ABCD3: variants seen among roughly 807,000 people sequenced by gnomAD.
The protein encoded by ABCD3 is ATP-binding cassette sub-family D member 3.
Under a neutral mutation model 105.5 loss-of-function variants are expected in ABCD3, and 41 were observed. The observed-to-expected ratio is 0.39, with a 90% CI of 0.30 to 0.50. The LOEUF (loss-of-function observed/expected upper bound fraction) is 0.50, where lower values mean the gene tolerates loss of function less well. Among genes scored for constraint, ABCD3 ranks in the 20% least tolerant of loss-of-function variants. The pLI, the probability that ABCD3 is intolerant of heterozygous loss-of-function variation, is 0.84. For synonymous variants in ABCD3, 258 were observed against 269.0 expected, an observed-to-expected ratio of 0.96 and a Z score of 0.40; for missense variants, 622 against 806.3, an observed-to-expected ratio of 0.77 and a Z score of 2.77.
At chr1:94,487,830 A>G (rs374282015) in intron 12 of ABCD3, 39 bp downstream of exon 12, 1 of 1,611,114 alleles carries the variant, frequency 6.2e-7, no homozygotes, top group Non-Finnish European at 8.5e-7. Context: ...TAACAGTAAA[A>G]ATAAAGCCAA....
rs1190514974 is a variant in ABCD3 at position 94,499,528 on chromosome 1, G to T, written c.1654G>T (p.Gly552Cys). 4 of 1,613,522 alleles carry T rather than the reference G, an allele frequency of 2.5e-6. No homozygotes were observed. In the East Asian group the frequency reaches 6.7e-5, roughly 27 times the overall value. ...GGAATACTTAGACAATGTCCAGTTG[G>T]GTCATATCCTTGAACGTGAAGGAGG... ...LKEYLDNVQL[G>C]HILEREGGWD... Residue 552 changes from glycine to cysteine, a missense_variant, in exon 20 of 23, where the codon GGT becomes TGT. Gly to Cys is a radical substitution (Grantham distance 159). This residue lies in a region of ABCD3 where 285 missense variants were observed against 352.5 expected (regional missense o/e 0.81). Coordinates refer to ENST00000370214, the MANE Select transcript of ABCD3 (RefSeq NM_002858.4).
upstream of ABCD3, among the ~76,000 whole-genome samples, chr1:94,414,763 C>T (rs963746600): frequency 1.1e-4 from 17 of 152,202 alleles, no homozygotes; most frequent in African/African-American, 3.9e-4. Flanking sequence ...TGCATCTTTG[C>T]TCCTGTTGTA....
intron 1 of ABCD3, among the ~76,000 whole-genome samples, chr1:94,451,991 ACT>A (rs1647283381): frequency 6.6e-6 from 1 of 151,556 alleles, no homozygotes; most frequent in South Asian, 2.1e-4. Context: ...TCTTTCTTCC[ACT>A]CTCATACCCA....
chr1:94,431,085 T>G (rs1020602086), intron 1 of ABCD3, among the ~76,000 whole-genome samples: 6 of 152,240 alleles, frequency 3.9e-5, no homozygotes, highest in African/African-American at 1.4e-4. Flanking sequence ...TGCATTTCCT[T>G]TTTACTATGC....
At chr1:94,499,724 A>G in intron 20 of ABCD3, 110 bp downstream of exon 20, 1 of 1,354,970 alleles carries the variant, frequency 7.4e-7, no homozygotes, top group Non-Finnish European at 1.0e-6. Context: ...CTGTTTCAGT[A>G]TGGATTAGTT....
intron 21 of ABCD3, among the ~76,000 whole-genome samples, chr1:94,511,661 T>C (rs1010495554): frequency 2.6e-5 from 4 of 152,244 alleles, no homozygotes; most frequent in African/African-American, 9.6e-5. Flanking sequence ...TTTCACATAG[T>C]CCCATATTTC....
chr1:94,446,538 G>A (rs1266794399), intron 1 of ABCD3, among the ~76,000 whole-genome samples: 2 of 152,222 alleles, frequency 1.3e-5, no homozygotes, highest in Admixed American at 1.3e-4. Context: ...GCTCCTGATT[G>A]TGCCGTATGT....
intron 1 of ABCD3, among the ~76,000 whole-genome samples, chr1:94,436,162 AGTT>A (rs1659894184): frequency 6.6e-6 from 1 of 152,224 alleles, no homozygotes. Context: ...CTAGGTTGGC[AGTT>A]GTTTCTAGGC....
Position 94,442,460 on chromosome 1 carries a change from A to G in ABCD3, c.111-16147A>G, listed in dbSNP as rs550047687. Among the ~76,000 whole-genome samples, 11 of 152,344 alleles carry G rather than the reference A, an allele frequency of 7.2e-5. No homozygotes were observed. The South Asian group carries it at 1.5e-3, about 20-fold the overall frequency. ...TGGTATTATATATAATTTTTAAAAT[A>G]GTCTTTACATTAAAAAAATGGTTTA... On this transcript the variant is annotated intron_variant, in intron 1 of 22. Coordinates refer to ENST00000370214, the MANE Select transcript of ABCD3 (RefSeq NM_002858.4).
intron 1 of ABCD3, among the ~76,000 whole-genome samples, chr1:94,450,207 T>G (rs1660525137): frequency 2.6e-5 from 4 of 152,232 alleles, no homozygotes; most frequent in Admixed American, 2.0e-4. Context: ...TGTCTTTGTA[T>G]AGTCTGCAGA....
intron 15 of ABCD3, among the ~76,000 whole-genome samples, chr1:94,490,809 G>A (rs1174090622): frequency 6.6e-6 from 1 of 152,014 alleles, no homozygotes; most frequent in African/African-American, 2.4e-5. Flanking sequence ...AGATCATACG[G>A]TAGTCCTAAT....
intron 13 of ABCD3, among the ~76,000 whole-genome samples, chr1:94,488,835 C>CTCTT (rs397799956): frequency 2.6e-5 from 4 of 151,448 alleles, no homozygotes; most frequent in African/African-American, 9.7e-5. Flanking sequence ...CTCTCTCTCT[C>CTCTT]GCTCTCTTTC....
intron 16 of ABCD3, among the ~76,000 whole-genome samples, chr1:94,497,256 G>A (rs1387755279): frequency 1.3e-5 from 2 of 152,054 alleles, no homozygotes; most frequent in African/African-American, 4.8e-5. Flanking sequence ...AACCAGTAAG[G>A]GTAGAGGTTT....
intron 16 of ABCD3, among the ~76,000 whole-genome samples, chr1:94,496,818 A>C (rs1256402283): frequency 1.5e-5 from 2 of 133,770 alleles, no homozygotes; most frequent in Non-Finnish European, 3.1e-5. Flanking sequence ...CCCAGGTTGG[A>C]GTGCAGTGGC....
chr1:94,506,115 A>C (rs148064541), intron 20 of ABCD3, among the ~76,000 whole-genome samples: 407 of 152,308 alleles, frequency 2.7e-3, no homozygotes, highest in African/African-American at 9.4e-3. Context: ...ATTATTGGTG[A>C]GAATATTAAT....
At chr1:94,482,299 G>A (rs1482758764) in intron 9 of ABCD3, 1 of 152,126 alleles carries the variant, frequency 6.6e-6, no homozygotes, top group Non-Finnish European at 1.5e-5. Context: ...AAAAACGCAG[G>A]TCCATTTCAA....
chr1:94,481,411 A>G (rs545974576), intron 9 of ABCD3: 1 of 152,254 alleles, frequency 6.6e-6, no homozygotes, highest in African/African-American at 2.4e-5. Flanking sequence ...TGCTCTAGGG[A>G]GGCAGCGGAA....
At chr1:94,488,279 T>C (rs1216687260) in intron 13 of ABCD3, among the ~76,000 whole-genome samples, 2 of 152,126 alleles carry the variant, frequency 1.3e-5, no homozygotes, top group African/African-American at 4.8e-5. Flanking sequence ...AAAACTATGT[T>C]TATGAATAGA....
chr1:94,498,720 G>A (rs571742006), intron 17 of ABCD3, 41 bp downstream of exon 17: 1 of 1,612,358 alleles, frequency 6.2e-7, no homozygotes, highest in African/African-American at 1.3e-5. Context: ...GTCTTATTTT[G>A]CCATACTGTC....
Sources: gnomAD v4.1 joint callset for allele counts (sites outside exome capture counted in the v4.1 genomes callset) on GRCh38, gnomAD v4.1.1 for gene constraint, gnomAD v4.1.1 regional missense constraint, MANE v1.5 for transcripts, NCBI Gene and HGNC (gene_info 2026-07-23, HGNC 2026-07-21) for gene names.